The following FAM184A variants were observed in gnomAD, a reference collection of about 807,000 sequenced individuals.
The protein encoded by FAM184A is family with sequence similarity 184 member A.
A neutral mutation model predicts 143.8 loss-of-function variants in FAM184A; 99 were observed. That is an observed-to-expected ratio of 0.69 (90% CI 0.58 to 0.81). The LOEUF is 0.81. Among genes scored for constraint, FAM184A ranks in the 40% least tolerant of loss-of-function variants. The pLI, the probability that FAM184A is intolerant of heterozygous loss-of-function variation, is 0.00. For synonymous variants in FAM184A, 427 were observed against 446.4 expected, an observed-to-expected ratio of 0.96 and a Z score of 0.55; for missense variants, 1,217 against 1,310.5, an observed-to-expected ratio of 0.93 and a Z score of 1.10.
intron 3 of FAM184A, among the ~76,000 whole-genome samples, chr6:119,021,231 G>A (rs1785435628): frequency 1.3e-5 from 2 of 151,998 alleles, no homozygotes; most frequent in South Asian, 4.1e-4. Flanking sequence ...AGGAAAATCT[G>A]AGATTCACTG....
At chr6:119,067,522 A>G (rs1334086831) in intron 1 of FAM184A, among the ~76,000 whole-genome samples, 1 of 152,208 alleles carries the variant, frequency 6.6e-6, no homozygotes. Context: ...TGTGCTAAAT[A>G]ACCTTTGTTC....
rs2114691942 is a variant in FAM184A, at chr6:119,024,616, T to C, written c.357A>G (p.Ile119Met). ...CTGTCAAAGCCTGCTGCTTCATTTT[T>C]ATGTGATCTTCTAATGATGATTCTA... ...QVLESSLEDH[I>M]KMKQQALTEF... The change falls in exon 2 of 18, where the codon ATA becomes ATG. Residue 119 changes from isoleucine (I) to methionine (M), a missense_variant. Physicochemically the swap from Ile to Met is conservative, Grantham distance 10 (BLOSUM62 1). Coordinates refer to ENST00000338891, the MANE Select transcript of FAM184A (RefSeq NM_024581.6). 1.2e-6 allele frequency: 2 copies of C among 1,614,180 alleles called. No individual in the cohort carries two copies. The highest frequency in any genetic ancestry group is 1.7e-6 in the Non-Finnish European group (2 of 1,180,036).
At chr6:119,136,036 T>A (rs1789650979) in intron 1 of FAM184A, among the ~76,000 whole-genome samples, 2 of 148,882 alleles carry the variant, frequency 1.3e-5, no homozygotes, top group Non-Finnish European at 3.0e-5. Flanking sequence ...CCCAGCACTT[T>A]GGGAGGCCGA....
At chr6:119,106,550 C>A (rs1055750506) in intron 1 of FAM184A, among the ~76,000 whole-genome samples, 2 of 152,198 alleles carry the variant, frequency 1.3e-5, no homozygotes, top group African/African-American at 2.4e-5. Context: ...ACTGGCTATG[C>A]CATCAGGCTA....
chr6:119,109,034 T>C (rs1788862705), intron 1 of FAM184A, among the ~76,000 whole-genome samples: 1 of 141,914 alleles, frequency 7.0e-6, no homozygotes, highest in African/African-American at 3.2e-5. Context: ...TCCTTTCTAC[T>C]TAGAAAGTTA....
intron 1 of FAM184A, among the ~76,000 whole-genome samples, chr6:119,086,997 T>G (rs1788240400): frequency 2.0e-5 from 3 of 152,150 alleles, no homozygotes; most frequent in Admixed American, 2.0e-4. Flanking sequence ...TTTGCCTGAT[T>G]TTTTCCAAGG....
intron 3 of FAM184A, among the ~76,000 whole-genome samples, chr6:119,022,562 A>C (rs1244392540): frequency 2.0e-5 from 3 of 152,186 alleles, no homozygotes; most frequent in Non-Finnish European, 4.4e-5. Flanking sequence ...GAAAAAATAA[A>C]TGCTACCTTA....
At chr6:119,035,900 G>C (rs1400180413) in intron 1 of FAM184A, among the ~76,000 whole-genome samples, 1 of 152,142 alleles carries the variant, frequency 6.6e-6, no homozygotes, top group Non-Finnish European at 1.5e-5. Flanking sequence ...ATAAAACCAA[G>C]CTATAGCCCG....
intron 16 of FAM184A, among the ~76,000 whole-genome samples, chr6:118,964,426 A>G (rs1050833253): frequency 2.6e-5 from 4 of 152,146 alleles, no homozygotes; most frequent in Non-Finnish European, 5.9e-5. Context: ...CAGAAATATG[A>G]AAAAAAGGTA....
At chr6:119,040,544 G>A (rs1371492404) in intron 1 of FAM184A, among the ~76,000 whole-genome samples, 1 of 152,170 alleles carries the variant, frequency 6.6e-6, no homozygotes, top group Non-Finnish European at 1.5e-5. Flanking sequence ...CATATCTAAG[G>A]CATTATATGG....
chr6:119,000,927 T>A (rs982264618), intron 9 of FAM184A, among the ~76,000 whole-genome samples: 2 of 150,538 alleles, frequency 1.3e-5, no homozygotes, highest in Non-Finnish European at 3.0e-5. Flanking sequence ...GGGGTAGGGC[T>A]GGGGGTGGAG....
At chr6:119,136,857 A>T (rs1789685432) in intron 1 of FAM184A, among the ~76,000 whole-genome samples, 1 of 152,240 alleles carries the variant, frequency 6.6e-6, no homozygotes, top group Non-Finnish European at 1.5e-5. Flanking sequence ...GGCTACAGTA[A>T]GAGGGTTGAC....
chr6:119,146,061 T>G (rs1772415375), intron 1 of FAM184A, among the ~76,000 whole-genome samples: 1 of 152,214 alleles, frequency 6.6e-6, no homozygotes, highest in Non-Finnish European at 1.5e-5. Context: ...GGGGACAGTC[T>G]ATGGGTGAAG....
chr6:119,060,341 T>C (rs1787182883), intron 1 of FAM184A, among the ~76,000 whole-genome samples: 1 of 152,212 alleles, frequency 6.6e-6, no homozygotes, highest in South Asian at 2.1e-4. Context: ...AATATCTTTT[T>C]GCCAGTTCTA....
intron 10 of FAM184A, among the ~76,000 whole-genome samples, 183 bp downstream of exon 10, chr6:118,979,955 T>G (rs908374709): frequency 6.6e-6 from 1 of 151,322 alleles, no homozygotes; most frequent in Non-Finnish European, 1.5e-5. Context: ...GAGGCTGAGG[T>G]GGAAAAATCA....
At chr6:119,059,080 T>C (rs1233859047) in intron 1 of FAM184A, among the ~76,000 whole-genome samples, 2 of 152,144 alleles carry the variant, frequency 1.3e-5, no homozygotes, top group Non-Finnish European at 2.9e-5. Flanking sequence ...CACTGCAACC[T>C]CCACCTCCCG....
intron 13 of FAM184A, 40 bp from the exon 14 acceptor site, chr6:118,974,614 A>G: frequency 6.5e-7 from 1 of 1,527,476 alleles, no homozygotes; most frequent in Non-Finnish European, 8.9e-7. Flanking sequence ...GTTATTCTGA[A>G]GTCAAGCTTT....
chr6:118,965,202 TTTG>T (rs1308398120), intron 15 of FAM184A, among the ~76,000 whole-genome samples: 390 of 34,958 alleles, frequency 0.011, no homozygotes, highest in Non-Finnish European at 0.014. Context: ...GTTTTTTTTG[TTTG>T]TTTTTTTTTT....
intron 1 of FAM184A, among the ~76,000 whole-genome samples, chr6:119,113,430 T>G (rs1330038856): frequency 6.6e-6 from 1 of 152,098 alleles, no homozygotes; most frequent in African/African-American, 2.4e-5. Flanking sequence ...TGCTTCCCAG[T>G]GATGCTTCTG....
Sources: gnomAD v4.1 joint callset for allele counts (sites outside exome capture counted in the v4.1 genomes callset) on GRCh38, gnomAD v4.1.1 for gene constraint, MANE v1.5 for transcripts, NCBI Gene and HGNC (gene_info 2026-07-23, HGNC 2026-07-21) for gene names.